NEGR1: variants seen among roughly 807,000 people sequenced by gnomAD.
NEGR1 encodes neuronal growth regulator 1.
A neutral mutation model predicts 40.9 loss-of-function variants in NEGR1; 10 were observed. That is an observed-to-expected ratio of 0.24 (90% CI 0.15 to 0.42). NEGR1 has a LOEUF of 0.42. Among genes scored for constraint, NEGR1 ranks in the 10% least tolerant of loss-of-function variants. NEGR1 has a pLI of 1.00. For missense variants in NEGR1, 352 were observed against 438.9 expected (o/e 0.80, Z 1.77); for synonymous variants, 185 against 166.8 (o/e 1.11, Z -0.84).
At chr1:72,022,623 G>T (rs138845167) in intron 1 of NEGR1, among the ~76,000 whole-genome samples, 1 of 151,570 alleles carries the variant, frequency 6.6e-6, no homozygotes, top group East Asian at 1.9e-4. Flanking sequence ...AATAGATATT[G>T]TCAATAGTAA....
intron 6 of NEGR1, among the ~76,000 whole-genome samples, chr1:71,520,340 T>C (rs181534519): frequency 3.9e-5 from 6 of 152,212 alleles, no homozygotes; most frequent in Non-Finnish European, 5.9e-5. Context: ...CAGGCTGACC[T>C]ACCTCCAATG....
chr1:71,570,364 A>T (rs1287653801), intron 6 of NEGR1, among the ~76,000 whole-genome samples: 5 of 152,122 alleles, frequency 3.3e-5, no homozygotes, highest in Non-Finnish European at 5.9e-5. Context: ...GGGTTTTTAT[A>T]TATCTTAGAA....
At chr1:71,994,552 A>C (rs1646486697) in intron 1 of NEGR1, among the ~76,000 whole-genome samples, 1 of 151,594 alleles carries the variant, frequency 6.6e-6, no homozygotes, top group Non-Finnish European at 1.5e-5. Context: ...ACAAACAAAA[A>C]AAAAAAACAC....
At chr1:72,076,890 CT>C (rs56943357) in intron 1 of NEGR1, among the ~76,000 whole-genome samples, 308 of 101,690 alleles carry the variant, frequency 3.0e-3, no homozygotes, top group Middle Eastern at 7.6e-3. Context: ...CTCATTTATC[CT>C]TTTTTTTTTT....
Position 71,478,094 on chromosome 1 carries a change from C to G in NEGR1, c.941-70524G>C, listed in dbSNP as rs185499408. Among the ~76,000 whole-genome samples, 88 of 152,038 alleles carry G rather than the reference C, an allele frequency of 5.8e-4. No individual in the cohort carries two copies. In the East Asian group the frequency reaches 0.015, roughly 25 times the overall value. ...TCCCAAGATGAATATATGTCTTTCT[C>G]TTTTGTCCCATTTTACTTTGCTCTG... On this transcript the variant is annotated intron_variant, in intron 6 of 6. Transcript: ENST00000357731.
At chr1:72,200,008 C>T (rs547902992) in intron 1 of NEGR1, among the ~76,000 whole-genome samples, 2 of 151,658 alleles carry the variant, frequency 1.3e-5, no homozygotes, top group African/African-American at 4.8e-5. Flanking sequence ...TGGTTATAAT[C>T]AAAACATCAA....
At chr1:72,223,921 C>T (rs1023614477) in intron 1 of NEGR1, among the ~76,000 whole-genome samples, 1 of 152,100 alleles carries the variant, frequency 6.6e-6, no homozygotes, top group Non-Finnish European at 1.5e-5. Flanking sequence ...AGGAAAGTCT[C>T]AGCACCAATA....
At chr1:71,851,631 G>A (rs780588925) in intron 2 of NEGR1, among the ~76,000 whole-genome samples, 135 of 152,162 alleles carry the variant, frequency 8.9e-4, no homozygotes, top group Non-Finnish European at 6.2e-4. Context: ...AGAAAAATAT[G>A]GGTAAAATAC....
At chr1:71,701,137 A>C (rs1287111479) in intron 3 of NEGR1, among the ~76,000 whole-genome samples, 1 of 152,034 alleles carries the variant, frequency 6.6e-6, no homozygotes, top group Non-Finnish European at 1.5e-5. Context: ...AAGGATAATA[A>C]ATTTTTGCTC....
At chr1:71,580,396 A>T (rs1649095675) in intron 6 of NEGR1, among the ~76,000 whole-genome samples, 1 of 152,038 alleles carries the variant, frequency 6.6e-6, no homozygotes, top group Admixed American at 6.6e-5. Context: ...AGCATGGCAC[A>T]TGTATACATA....
At chr1:71,731,084 G>T (rs982116244) in intron 3 of NEGR1, among the ~76,000 whole-genome samples, 1 of 152,002 alleles carries the variant, frequency 6.6e-6, no homozygotes, top group Non-Finnish European at 1.5e-5. Context: ...GTGGGATTTT[G>T]TTCTTAAATG....
intron 6 of NEGR1, among the ~76,000 whole-genome samples, chr1:71,424,424 T>A (rs1646416528): frequency 6.6e-6 from 1 of 152,226 alleles, no homozygotes; most frequent in Admixed American, 6.5e-5. Context: ...CCATGGTCAA[T>A]GTGGTAGAAA....
intron 1 of NEGR1, among the ~76,000 whole-genome samples, chr1:72,098,424 G>C (rs960406527): frequency 2.0e-5 from 3 of 152,076 alleles, no homozygotes; most frequent in Non-Finnish European, 4.4e-5. Context: ...AAACACGAAG[G>C]CTGTTTTTTA....
At chr1:72,165,359 AT>A (rs1651728576) in intron 1 of NEGR1, among the ~76,000 whole-genome samples, 1 of 152,054 alleles carries the variant, frequency 6.6e-6, no homozygotes, top group Non-Finnish European at 1.5e-5. Context: ...ACATTAACTA[AT>A]AAAATTATTT....
chr1:72,009,515 G>T (rs74089529), intron 1 of NEGR1, among the ~76,000 whole-genome samples: 2,525 of 151,672 alleles, frequency 0.017, 75 homozygotes, highest in African/African-American at 0.059. Context: ...TAAAAAGTAC[G>T]ATCTTAAGAT....
At chr1:72,037,146 T>G (rs997956105) in intron 1 of NEGR1, among the ~76,000 whole-genome samples, 1 of 152,174 alleles carries the variant, frequency 6.6e-6, no homozygotes, top group African/African-American at 2.4e-5. Flanking sequence ...AAATATTTTC[T>G]TCTTCCTTTG....
intron 2 of NEGR1, among the ~76,000 whole-genome samples, chr1:71,821,570 T>C (rs75362358): frequency 0.015 from 2,325 of 151,876 alleles, 55 homozygotes; most frequent in South Asian, 0.1. Context: ...TCTGAAGAGG[T>C]TCAGGCTAAG....
intron 6 of NEGR1, among the ~76,000 whole-genome samples, chr1:71,532,420 TAGA>T (rs1354776896): frequency 1.1e-4 from 17 of 151,516 alleles, no homozygotes; most frequent in African/African-American, 4.1e-4. Context: ...ATTGCAAGAG[TAGA>T]AGTATAGGTT....
chr1:71,745,718 C>A (rs1655359660), intron 3 of NEGR1, among the ~76,000 whole-genome samples: 1 of 152,046 alleles, frequency 6.6e-6, no homozygotes, highest in Non-Finnish European at 1.5e-5. Context: ...TCTCTCTCAC[C>A]ATTGCAGTGA....
Sources: allele counts gnomAD v4.1 joint callset (sites outside exome capture counted in the v4.1 genomes callset), GRCh38; gene constraint gnomAD v4.1.1; transcripts MANE v1.5; gene names NCBI Gene and HGNC (gene_info 2026-07-23, HGNC 2026-07-21).